The following NEU4 variants were observed in gnomAD, a reference collection of about 807,000 sequenced individuals.
NEU4 encodes neuraminidase 4.
In NEU4, 7 loss-of-function variants were observed where a neutral mutation model predicts 9.9. The ratio of observed to expected loss-of-function variants is 0.71; its 90% CI spans 0.40 to 1.33. NEU4 has a LOEUF of 1.33. Among genes scored for constraint, NEU4 ranks in the 40% most tolerant of loss-of-function variants. The pLI is 0.01. For synonymous variants in NEU4, 348 were observed against 316.9 expected (o/e 1.10, Z -1.04); for missense variants, 717 against 712.6 (o/e 1.01, Z -0.07).
chr2:241,811,334 G>C, intron 1 of NEU4: 1 of 1,406,606 alleles, frequency 7.1e-7, no homozygotes, highest in Admixed American at 2.5e-5. Context: ...AGTGTCCAGG[G>C]TCCTGACGTA....
rs1198590797 is a variant in NEU4 at position 241,814,567 on chromosome 2, TCCCCGTGCC to T, written c.89_97del (p.Val30_Pro32del). 1 of 1,612,232 alleles carries T rather than the reference TCCCCGTGCC, an allele frequency of 6.2e-7. No individual in the cohort carries two copies. Reference sequence around the variant, plus strand: ...CTGACCTACCGCGTGCCCTCGCTGCTCCCCGTGCCCCCCGGGCCCACCCTGCTGGCCTTT... The same window carrying T: ...CTGACCTACCGCGTGCCCTCGCTGCTCCCCGGGCCCACCCTGCTGGCCTTT... On this transcript the variant is annotated inframe_deletion, in exon 2 of 4. Transcript: ENST00000407683.
At chr2:241,809,453 G>C (rs1700044533) in intron 1 of NEU4, 179 bp downstream of exon 1, 3 of 360,774 alleles carry the variant, frequency 8.3e-6, no homozygotes, top group Admixed American at 7.4e-5. Flanking sequence ...AACTGCTCTT[G>C]GGGGAGGGGG....
chr2:241,813,509 C>T, intron 1 of NEU4: 1 of 1,211,068 alleles, frequency 8.3e-7, no homozygotes, highest in South Asian at 1.5e-5. Flanking sequence ...TGAGAGACCC[C>T]CCAGGCAGGT....
chr2:241,814,923 C>T lies in NEU4; in HGVS notation c.233C>T (p.Ala78Val), dbSNP rs763819890. 6 of 1,611,912 alleles carry T rather than the reference C, an allele frequency of 3.7e-6. 1 individual carries two copies. In the Admixed American group the frequency reaches 8.3e-5, roughly 22 times the overall value. ...GCCCTGCACGTGCTGGGGACAGCAG[C>T]CCTGGCGGAGCACCGGTCCATGAAC... ...WGALHVLGTA[A>V]LAEHRSMNPC... The change falls in exon 3 of 4, where the codon GCC (alanine) becomes GTC (valine). Residue 78 changes from alanine to valine, a missense_variant. Transcript: ENST00000407683.
Position 241,816,451 on chromosome 2 carries a change from C to T in NEU4, c.858C>T (p.Pro286=), listed in dbSNP as rs368050529. ...GCAGCATCGTGGGCTTCCCAGCCCCCGCCCCCAACAGGCCACGGGATGACA... is the reference window on the plus strand; with the variant it reads ...GCAGCATCGTGGGCTTCCCAGCCCCTGCCCCCAACAGGCCACGGGATGACA... ...CQGSIVGFPA[P]APNRPRDDSW... The change falls in exon 4 of 4, where the codon CCC becomes CCT. Residue 286 remains proline, a synonymous_variant. Coordinates refer to ENST00000407683, the MANE Select transcript of NEU4 (RefSeq NM_001167600.3). 298 of 1,608,438 alleles carry T rather than the reference C, an allele frequency of 1.9e-4. No individual in the cohort carries two copies. Among genetic ancestry groups the T allele is most frequent in the Non-Finnish European group, 2.4e-4 (278 of 1,178,736 alleles).
intron 1 of NEU4, chr2:241,811,619 G>A: frequency 1.9e-6 from 1 of 530,634 alleles, no homozygotes; most frequent in Non-Finnish European, 3.0e-6. Flanking sequence ...TGGCTCCTCA[G>A]CTCTCAAACA....
At chr2:241,811,511 C>G in intron 1 of NEU4, 3 of 1,441,474 alleles carry the variant, frequency 2.1e-6, no homozygotes, top group Non-Finnish European at 1.8e-6. Flanking sequence ...TCTACCCGGG[C>G]GCCCGGGGTC....
chr2:241,811,429 A>G (rs1575377522), intron 1 of NEU4: 4 of 1,565,944 alleles, frequency 2.6e-6, no homozygotes, highest in African/African-American at 1.4e-5. Flanking sequence ...GCAGCCACCC[A>G]TGATGAGCTC....
In NEU4 at chr2:241,815,582, C is replaced by T. The variant is rs1209660307; in HGVS notation, c.457+435C>T. On this transcript the variant is annotated intron_variant, in intron 3 of 3. Transcript: ENST00000407683. ...CTGAGGTGTCTCTCAGCTCCCAAAC[C>T]AACAGCCACCCCGCCCCACCCCTTC... 5.9e-6 allele frequency: 3 copies of T among 507,236 alleles called. No homozygotes were observed. The Admixed American group carries it at 6.9e-5, about 12-fold the overall frequency. The allele number at this position is 507,236 out of a possible 1,614,324, so 31.4% of individuals were successfully genotyped here.
rs1178893294 is a variant in NEU4, at chr2:241,816,740, C to G, written c.1147C>G (p.Pro383Ala). Reference protein sequence around the residue: ...QSPTWLLYSHPVGRRARLHMG... With the variant: ...QSPTWLLYSHAVGRRARLHMG... ...CCCCACGTGGCTGCTGTACTCCCAC[C>G]CAGTGGGGCGCAGGGCTCGGCTACA... Residue 383 changes from proline to alanine, a missense_variant, in exon 4 of 4, where the codon CCA becomes GCA. By Grantham distance (27) the Pro-to-Ala change is conservative. Coordinates refer to ENST00000407683, the MANE Select transcript of NEU4 (RefSeq NM_001167600.3). 5.1e-6 allele frequency: 8 copies of G among 1,567,084 alleles called. No individual in the cohort carries two copies. The East Asian group carries it at 1.7e-4, about 33-fold the overall frequency.
At chr2:241,813,560 C>A (rs1372848124) in intron 1 of NEU4, 19 of 1,272,952 alleles carry the variant, frequency 1.5e-5, no homozygotes, top group Non-Finnish European at 1.9e-5. Context: ...CCCCAAATGC[C>A]CCCTCACCCG....
intron 3 of NEU4, 115 bp from the exon 4 acceptor site, chr2:241,815,936 C>T (rs1022631169): frequency 2.4e-5 from 25 of 1,053,476 alleles, no homozygotes; most frequent in Non-Finnish European, 2.9e-5. Context: ...GGTCAGAGTG[C>T]GATGGTCCTA....
rs370021042 is a variant in NEU4 at position 241,816,869 on chromosome 2, G to A, written c.1276G>A (p.Gly426Arg). ...CGGCTACTCCGACCTGGCGTCCATC[G>A]GGCCGGCCCCTGAGGGGGGCCTGGT... ...PSGYSDLASIGPAPEGGLVFA... is the reference protein window; with the variant it reads ...PSGYSDLASIRPAPEGGLVFA... Residue 426 changes from glycine to arginine, a missense_variant, in exon 4 of 4, where the codon GGG (glycine) becomes AGG (arginine). By Grantham distance (125) the Gly-to-Arg change is moderately radical. Transcript: ENST00000407683. 1.5e-5 allele frequency: 24 copies of A among 1,612,384 alleles called. No individual in the cohort carries two copies. Among genetic ancestry groups the A allele is most frequent in the Admixed American group, 3.3e-5 (2 of 59,980 alleles).
At position 241,816,396 on chromosome 2, in the gene NEU4, C is replaced by G; in HGVS notation, c.803C>G (p.Ser268Cys). Residue 268 changes from serine to cysteine, a missense_variant, in exon 4 of 4, where the codon TCC becomes TGC. By Grantham distance (112) the Ser-to-Cys change is moderately radical. Coordinates refer to ENST00000407683, the MANE Select transcript of NEU4 (RefSeq NM_001167600.3). ...TSFLPAERVA[S>C]LPETAWGCQG... is the part of the protein sequence containing the mutation. Reference sequence around the variant, plus strand: ...TTCCTGCCCGCAGAGCGCGTGGCTTCCCTGCCCGAGACTGCCTGGGGCTGC... The same window carrying G: ...TTCCTGCCCGCAGAGCGCGTGGCTTGCCTGCCCGAGACTGCCTGGGGCTGC... The G allele has an allele frequency of 1.9e-6, 3 of 1,601,868 alleles. No homozygotes were observed. The highest frequency in any genetic ancestry group is 2.5e-6 in the Non-Finnish European group (3 of 1,176,876).
At position 241,816,648 on chromosome 2, in the gene NEU4, G is replaced by C; in HGVS notation, c.1055G>C (p.Gly352Ala). The stretch of plus-strand genomic sequence containing the variant: ...CCCAGGCAGCCTGGCCCCAGGCCTG[G>C]GGTCAGTGGGGATGTGGGGTCCTGG... ...DGPRQPGPRP[G>A]VSGDVGSWTL... Residue 352 changes from glycine to alanine, a missense_variant, in exon 4 of 4, where the codon GGG (glycine) becomes GCG (alanine). Gly to Ala is a moderately conservative substitution (Grantham distance 60). Transcript: ENST00000407683. 6.5e-7 allele frequency: 1 copy of C among 1,539,082 alleles called. No individual in the cohort carries two copies. The highest frequency in any genetic ancestry group is 8.7e-7 in the Non-Finnish European group (1 of 1,147,114).
rs760174998 is a variant in NEU4 at position 241,815,041 on chromosome 2, G to A, written c.351G>A (p.Thr117=). 9.4e-6 allele frequency: 15 copies of A among 1,596,604 alleles called. No individual in the cohort carries two copies. The highest frequency in any genetic ancestry group is 1.6e-4 in the Middle Eastern group (1 of 6,072). Residue 117 remains threonine (T), a synonymous_variant, in exon 3 of 4, where the codon ACG becomes ACA. Coordinates refer to ENST00000407683, the MANE Select transcript of NEU4 (RefSeq NM_001167600.3). ...CGCCTGAGGCCGTGCAGATCGCCAC[G>A]GGAAGGAACGCCGCGCGCCTCTGCT... ...GHTPEAVQIA[T]GRNAARLCCV... is the part of the protein sequence containing the mutation.
At chr2:241,811,110 T>TC (rs1700100098) in intron 1 of NEU4, 17 of 1,199,640 alleles carry the variant, frequency 1.4e-5, no homozygotes, top group Non-Finnish European at 1.8e-5. Context: ...CAGACCCGTG[T>TC]CCCTCTGGGA....
chr2:241,811,420 C>T (rs750176155), intron 1 of NEU4: 3 of 1,556,880 alleles, frequency 1.9e-6, no homozygotes, highest in Non-Finnish European at 2.6e-6. Flanking sequence ...TCAGGCGAGG[C>T]AGCCACCCAT....
chr2:241,811,561 C>T (rs1477507656), intron 1 of NEU4: 3 of 1,122,498 alleles, frequency 2.7e-6, no homozygotes, highest in Non-Finnish European at 3.5e-6. Flanking sequence ...TGGCCGCCCC[C>T]TCTGTCTGGG....
Sources: allele counts gnomAD v4.1 joint callset, GRCh38; gene constraint gnomAD v4.1.1; transcripts MANE v1.5; gene names NCBI Gene and HGNC (gene_info 2026-07-23, HGNC 2026-07-21).